The following LRRC4C variants were observed in gnomAD, a reference collection of about 807,000 sequenced individuals.
LRRC4C encodes leucine rich repeat containing 4C.
Under a neutral mutation model 33.6 loss-of-function variants are expected in LRRC4C, and 5 were observed. The observed-to-expected ratio is 0.15, with a 90% CI of 0.08 to 0.31. LRRC4C has a LOEUF of 0.31. LRRC4C is among the 10% of genes least tolerant of loss of function. LRRC4C has a pLI of 1.00. For missense variants in LRRC4C, 560 were observed against 796.7 expected (o/e 0.70, Z 3.58); for synonymous variants, 329 against 302.0 (o/e 1.09, Z -0.93).
chr11:41,083,625 G>A, intron 1 of LRRC4C, among the ~76,000 whole-genome samples: 1 of 152,132 alleles, frequency 6.6e-6, no homozygotes, highest in East Asian at 1.9e-4. Flanking sequence ...ATCAAAATGA[G>A]ACTTTGTGAG....
At chr11:41,021,759 A>T (rs1264020416) in intron 1 of LRRC4C, among the ~76,000 whole-genome samples, 1 of 152,032 alleles carries the variant, frequency 6.6e-6, no homozygotes, top group Non-Finnish European at 1.5e-5. Flanking sequence ...CTATGTGACT[A>T]ACCTCAGAAG....
chr11:41,341,721 A>C (rs552271529), intron 1 of LRRC4C, among the ~76,000 whole-genome samples: 2 of 152,356 alleles, frequency 1.3e-5, no homozygotes, highest in African/African-American at 4.8e-5. Context: ...ATAGCATTTC[A>C]GTGAAAAAAT....
At chr11:40,493,046 A>G (rs1954244754) in intron 3 of LRRC4C, among the ~76,000 whole-genome samples, 1 of 151,518 alleles carries the variant, frequency 6.6e-6, no homozygotes, top group Non-Finnish European at 1.5e-5. Flanking sequence ...ATATATTTCT[A>G]TAACTATATG....
chr11:40,186,827 G>A lies in LRRC4C; in HGVS notation c.-95-45974C>T, dbSNP rs568787045. ...GCTCAATAAGGAAGAGATGCTGATG[G>A]ATGGATTTGGTTTCCCCCTTTAAGC... is the stretch of plus-strand genomic sequence containing the variant. On this transcript the variant is annotated intron_variant, in intron 5 of 6. Coordinates refer to ENST00000528697, the MANE Select transcript of LRRC4C (RefSeq NM_001258419.2). 2.6e-5 allele frequency among the ~76,000 whole-genome samples: 4 copies of A among 152,292 alleles called. No individual in the cohort carries two copies. The South Asian group carries it at 8.3e-4, about 32-fold the overall frequency.
intron 2 of LRRC4C, among the ~76,000 whole-genome samples, chr11:40,850,674 G>A (rs1429248784): frequency 1.3e-5 from 2 of 152,342 alleles, no homozygotes; most frequent in Non-Finnish European, 2.9e-5. Flanking sequence ...GAGATCCGCT[G>A]CTCTCTTCAG....
At chr11:40,405,136 T>A (rs1346020568) in intron 3 of LRRC4C, among the ~76,000 whole-genome samples, 1 of 151,604 alleles carries the variant, frequency 6.6e-6, no homozygotes, top group African/African-American at 2.4e-5. Flanking sequence ...CTACATATAT[T>A]TGAACTTTTT....
intron 1 of LRRC4C, among the ~76,000 whole-genome samples, chr11:41,407,463 G>A (rs1424589499): frequency 2.0e-5 from 3 of 151,748 alleles, no homozygotes; most frequent in Non-Finnish European, 4.4e-5. Flanking sequence ...CACCACATTC[G>A]ACTGAATTTT....
intron 1 of LRRC4C, among the ~76,000 whole-genome samples, chr11:41,311,423 T>C (rs1852371484): frequency 2.0e-5 from 3 of 152,168 alleles, no homozygotes; most frequent in Admixed American, 2.0e-4. Context: ...GGGGAAAAAA[T>C]GAACACAGTT....
In LRRC4C at chr11:40,264,818, C is replaced by G. The variant is rs376889327; in HGVS notation, c.-175-23220G>C. Among the ~76,000 whole-genome samples, 6 of 152,266 alleles carry G rather than the reference C, an allele frequency of 3.9e-5. No homozygotes were observed. The East Asian group carries it at 9.7e-4, about 25-fold the overall frequency. ...CCTCCCACATCTTCTTCCAGACATCCAGATGCTCCAGTCTGCCCATCTCTT... is the reference window on the plus strand; with the variant it reads ...CCTCCCACATCTTCTTCCAGACATCGAGATGCTCCAGTCTGCCCATCTCTT... On this transcript the variant is annotated intron_variant, in intron 4 of 6. Transcript: ENST00000528697.
At chr11:40,400,187 C>T (rs912085996) in intron 3 of LRRC4C, among the ~76,000 whole-genome samples, 1 of 152,088 alleles carries the variant, frequency 6.6e-6, no homozygotes, top group East Asian at 1.9e-4. Flanking sequence ...CACCCATACT[C>T]ACTATCCATG....
chr11:41,289,601 C>G (rs1949935289), intron 1 of LRRC4C, among the ~76,000 whole-genome samples: 1 of 152,174 alleles, frequency 6.6e-6, no homozygotes, highest in East Asian at 1.9e-4. Flanking sequence ...GCACAGTACA[C>G]AGTGAGAAGC....
intron 6 of LRRC4C, among the ~76,000 whole-genome samples, chr11:40,124,602 A>T (rs1187629642): frequency 1.3e-5 from 2 of 152,204 alleles, no homozygotes; most frequent in African/African-American, 4.8e-5. Flanking sequence ...AGAGCTAAAA[A>T]GTAAAACAAT....
chr11:40,182,153 CAAT>C (rs1029339144), intron 5 of LRRC4C, among the ~76,000 whole-genome samples: 9 of 152,238 alleles, frequency 5.9e-5, no homozygotes, highest in African/African-American at 1.9e-4. Flanking sequence ...TTAATAACAA[CAAT>C]AATAATTAAA....
intron 3 of LRRC4C, among the ~76,000 whole-genome samples, chr11:40,498,676 C>A (rs905034472): frequency 6.6e-6 from 1 of 152,104 alleles, no homozygotes; most frequent in Admixed American, 6.6e-5. Flanking sequence ...AGAATAAATG[C>A]AAAATGCTTC....
At chr11:40,933,808 T>C (rs893964007) in intron 1 of LRRC4C, 85 bp from the exon 2 acceptor site, 5 of 152,246 alleles carry the variant, frequency 3.3e-5, no homozygotes, top group African/African-American at 1.2e-4. Flanking sequence ...AAATTAAAAC[T>C]GACCTAATGG....
chr11:41,028,058 A>C (rs1267852399), intron 1 of LRRC4C, among the ~76,000 whole-genome samples: 3 of 151,690 alleles, frequency 2.0e-5, no homozygotes, highest in Non-Finnish European at 4.4e-5. Context: ...CCTAGCACAA[A>C]GGGATGCCAT....
chr11:40,558,293 TTGGGCTGATCCTATTTATCCTCTA>T (rs1245989709), intron 3 of LRRC4C, among the ~76,000 whole-genome samples: 10 of 152,220 alleles, frequency 6.6e-5, no homozygotes, highest in African/African-American at 2.4e-4. Flanking sequence ...GACTACATAA[TTGGGCTGATCCTATTTATCCTCTA>T]TCTGATCAGC....
intron 2 of LRRC4C, among the ~76,000 whole-genome samples, chr11:40,775,366 C>T (rs1025712476): frequency 6.6e-5 from 10 of 151,574 alleles, no homozygotes; most frequent in African/African-American, 1.9e-4. Flanking sequence ...GCCTAGATTG[C>T]GCCACTGCAC....
intron 1 of LRRC4C, among the ~76,000 whole-genome samples, chr11:41,081,686 G>A (rs541070136): frequency 4.0e-5 from 6 of 151,866 alleles, no homozygotes; most frequent in African/African-American, 1.2e-4. Context: ...CTATTCCTAC[G>A]CAGAATAAAC....
Sources: allele counts gnomAD v4.1 joint callset (sites outside exome capture counted in the v4.1 genomes callset), GRCh38; gene constraint gnomAD v4.1.1; transcripts MANE v1.5; gene names NCBI Gene and HGNC (gene_info 2026-07-23, HGNC 2026-07-21).